The following PPHLN1 variants were observed in gnomAD, a reference collection of about 807,000 sequenced individuals.
PPHLN1 encodes the protein periphilin 1, also known as periphilin-1.
PPHLN1 carries 29 observed loss-of-function variants against 51.3 expected under a neutral mutation model. The ratio of observed to expected loss-of-function variants is 0.57; its 90% confidence interval spans 0.42 to 0.77. PPHLN1 has a LOEUF of 0.77. Ranked by LOEUF, PPHLN1 falls within the 30% of genes least tolerant of loss-of-function variation. The pLI is 0.00. For synonymous variants in PPHLN1, 147 were observed against 147.8 expected (o/e 0.99, Z 0.04); for missense variants, 436 against 438.4 (o/e 0.99, Z 0.05).
intron 1 of PPHLN1, among the ~76,000 whole-genome samples, chr12:42,328,295 A>G (rs919389707): frequency 2.0e-5 from 3 of 152,150 alleles, no homozygotes; most frequent in African/African-American, 7.2e-5. Flanking sequence ...GAGAGAATAG[A>G]AGGTTAGATA....
intron 4 of PPHLN1, among the ~76,000 whole-genome samples, chr12:42,364,267 TTTGAAG>T (rs2075025276): frequency 6.6e-6 from 1 of 151,954 alleles, no homozygotes; most frequent in South Asian, 2.1e-4. Context: ...ATGGAACTGA[TTTGAAG>T]TATTATATAA....
downstream of PPHLN1, chr12:42,444,945 C>CA (rs1169404939): frequency 1.5e-6 from 1 of 649,538 alleles, no homozygotes. Flanking sequence ...TACTAGTACT[C>CA]AGAGAGCTGA....
intron 5 of PPHLN1, among the ~76,000 whole-genome samples, chr12:42,378,141 TTTCTTTCTTTC>T (rs1390904645): frequency 6.2e-5 from 8 of 130,014 alleles, no homozygotes; most frequent in African/African-American, 2.0e-4. Context: ...TCTTTCTTTC[TTTCTTTCTTTC>T]AAGTTATTTA....
chr12:42,385,501 C>A (rs191332205), intron 6 of PPHLN1, among the ~76,000 whole-genome samples: 1 of 152,238 alleles, frequency 6.6e-6, no homozygotes, highest in East Asian at 1.9e-4. Context: ...AGGAAAGGTC[C>A]AAGACTATAC....
Position 42,360,793 on chromosome 12 carries a change from G to T in PPHLN1, c.299+5571G>T, listed in dbSNP as rs146200205. On this transcript the variant is annotated intron_variant, in intron 4 of 9. Transcript: ENST00000358314. ...CAGGCATGAGCCACCGCGCCCAGCCGCCGAATTCTTTTTCTTCCTATAGGC... is the reference window on the plus strand; with the variant it reads ...CAGGCATGAGCCACCGCGCCCAGCCTCCGAATTCTTTTTCTTCCTATAGGC... Among the ~76,000 whole-genome samples, 44 of 151,930 alleles carry T rather than the reference G, an allele frequency of 2.9e-4. 1 individual carries two copies. The East Asian group carries it at 6.8e-3, about 23-fold the overall frequency.
chr12:42,447,257 C>T (rs1005973586), downstream of PPHLN1: 1 of 152,174 alleles, frequency 6.6e-6, no homozygotes, highest in African/African-American at 2.4e-5. Flanking sequence ...GGCCCATATG[C>T]TCTATCTCAA....
intron 9 of PPHLN1, among the ~76,000 whole-genome samples, chr12:42,416,369 A>G (rs2080384642): frequency 6.6e-6 from 1 of 152,166 alleles, no homozygotes; most frequent in African/African-American, 2.4e-5. Flanking sequence ...TTCTGTTTCA[A>G]CCCCAACAGG....
At chr12:42,375,360 G>A in intron 5 of PPHLN1, 1 of 208,132 alleles carries the variant, frequency 4.8e-6, no homozygotes, top group Non-Finnish European at 9.3e-6. Context: ...CTCCCAGGCT[G>A]GAGTGTAGTG....
intron 9 of PPHLN1, among the ~76,000 whole-genome samples, chr12:42,404,264 C>T (rs1237971419): frequency 2.6e-5 from 4 of 152,204 alleles, no homozygotes; most frequent in Non-Finnish European, 5.9e-5. Flanking sequence ...CACAGTGGCT[C>T]ACGCCTGTAA....
chr12:42,383,501 G>A (rs532193861), intron 5 of PPHLN1, among the ~76,000 whole-genome samples: 275 of 152,284 alleles, frequency 1.8e-3, no homozygotes, highest in African/African-American at 6.3e-3. Flanking sequence ...AGGAAAATAA[G>A]AATAGGAAAG....
At chr12:42,332,886 A>T (rs186842744) in intron 1 of PPHLN1, among the ~76,000 whole-genome samples, 177 of 152,256 alleles carry the variant, frequency 1.2e-3, no homozygotes, top group African/African-American at 4.1e-3. Context: ...ATTAATTTAC[A>T]TTCATCATTT....
Position 42,344,409 on chromosome 12 carries a change from CTTGTT to C in PPHLN1, c.73-7471_73-7467del, listed in dbSNP as rs1170848520. Among the ~76,000 whole-genome samples, 7 of 152,280 alleles carry C rather than the reference CTTGTT, an allele frequency of 4.6e-5. 1 individual carries two copies. The South Asian group carries it at 1.0e-3, about 23-fold the overall frequency. On this transcript the variant is annotated intron_variant, in intron 2 of 9. Transcript: ENST00000358314. ...ATCGACTATCAGCTTCATTGCCAAT[CTTGTT>C]TTGTCTATGCTTCTACCACTTTCTT...
At chr12:42,382,565 C>T (rs993446966) in intron 5 of PPHLN1, among the ~76,000 whole-genome samples, 3 of 151,988 alleles carry the variant, frequency 2.0e-5, no homozygotes, top group Non-Finnish European at 2.9e-5. Flanking sequence ...AAATAGCTAA[C>T]GAGTAGCAAG....
chr12:42,400,798 T>TCA (rs67724902), intron 9 of PPHLN1, among the ~76,000 whole-genome samples: 11,370 of 142,472 alleles, frequency 0.08, 497 homozygotes, highest in Admixed American at 0.14. Flanking sequence ...TCTCTCTCTT[T>TCA]CACACACACA....
intron 9 of PPHLN1, among the ~76,000 whole-genome samples, chr12:42,424,069 T>C (rs117598887): frequency 1.3e-5 from 2 of 152,288 alleles, no homozygotes; most frequent in East Asian, 1.9e-4. Context: ...GATGAGAACA[T>C]AGATCTATAA....
intron 9 of PPHLN1, chr12:42,400,282 A>C (rs985946847): frequency 4.0e-5 from 6 of 151,368 alleles, no homozygotes; most frequent in Admixed American, 2.0e-4. Context: ...TCCCGGCTAA[A>C]ACGGTGAAAC....
intron 7 of PPHLN1, 97 bp from the exon 8 acceptor site, chr12:42,393,473 C>A: frequency 8.3e-7 from 1 of 1,208,390 alleles, no homozygotes; most frequent in Non-Finnish European, 1.1e-6. Context: ...AATTTGGAGG[C>A]TTATATGATT....
At chr12:42,387,705 T>C (rs985515455) in intron 7 of PPHLN1, among the ~76,000 whole-genome samples, 170 bp downstream of exon 7, 2 of 152,210 alleles carry the variant, frequency 1.3e-5, no homozygotes, top group Non-Finnish European at 2.9e-5. Context: ...CCCAGGACTT[T>C]GAGAGACTGA....
intron 9 of PPHLN1, among the ~76,000 whole-genome samples, chr12:42,403,807 C>A (rs1225945765): frequency 6.6e-6 from 1 of 152,138 alleles, no homozygotes. Context: ...ATGGCATAAA[C>A]CCAAGTATAA....
Sources: allele counts gnomAD v4.1 joint callset (sites outside exome capture counted in the v4.1 genomes callset), GRCh38; gene constraint gnomAD v4.1.1; transcripts MANE v1.5; gene names NCBI Gene and HGNC (gene_info 2026-07-23, HGNC 2026-07-21).